Variants in NAV2 observed in about 807,000 individuals in gnomAD.
NAV2 encodes the protein helicase, APC down-regulated 1.
In NAV2, 54 loss-of-function variants were observed where a neutral mutation model predicts 223.2. The ratio of observed to expected loss-of-function variants is 0.24; its 90% CI spans 0.19 to 0.30. The LOEUF (loss-of-function observed/expected upper bound fraction) is 0.30, where lower values mean the gene tolerates loss of function less well. Among genes scored for constraint, NAV2 ranks in the 10% least tolerant of loss-of-function variants. The pLI is 1.00. For synonymous variants in NAV2, 1,279 were observed against 1,239.3 expected, an observed-to-expected ratio of 1.03 and a Z score of -0.67; for missense variants, 2,806 against 3,147.5, an observed-to-expected ratio of 0.89 and a Z score of 2.60.
intron 6 of NAV2, among the ~76,000 whole-genome samples, chr11:19,901,532 G>T (rs1284845557): frequency 6.6e-6 from 1 of 152,180 alleles, no homozygotes; most frequent in African/African-American, 2.4e-5. Flanking sequence ...AGGCAACAGA[G>T]CGAGAAAAGA....
intron 1 of NAV2, among the ~76,000 whole-genome samples, chr11:19,781,890 AAC>A (rs1482042583): frequency 6.6e-6 from 1 of 152,204 alleles, no homozygotes; most frequent in African/African-American, 2.4e-5. Flanking sequence ...CAAACTAATT[AAC>A]ACATCCATCA....
At chr11:20,067,210 A>G (rs1336949761) in intron 20 of NAV2, among the ~76,000 whole-genome samples, 2 of 152,080 alleles carry the variant, frequency 1.3e-5, no homozygotes, top group Non-Finnish European at 2.9e-5. Flanking sequence ...TTATCCTCAC[A>G]ACCTGTGGAG....
chr11:19,621,332 A>G (rs2046988162), intron 1 of NAV2, among the ~76,000 whole-genome samples: 1 of 152,222 alleles, frequency 6.6e-6, no homozygotes, highest in South Asian at 2.1e-4. Context: ...AAGGAATGGT[A>G]CCAGCTCCTC....
At chr11:19,760,876 T>C (rs2054682344) in intron 1 of NAV2, among the ~76,000 whole-genome samples, 1 of 152,186 alleles carries the variant, frequency 6.6e-6, no homozygotes, top group Admixed American at 6.5e-5. Context: ...CTTCCAGTCA[T>C]GGGCGTGAAT....
chr11:19,676,615 C>T (rs915303842), intron 1 of NAV2, among the ~76,000 whole-genome samples: 2 of 152,214 alleles, frequency 1.3e-5, no homozygotes, highest in Non-Finnish European at 2.9e-5. Context: ...TTTGTTATTC[C>T]GATACCCCAG....
At chr11:20,011,686 T>C (rs1193603268) in intron 11 of NAV2, among the ~76,000 whole-genome samples, 3 of 152,350 alleles carry the variant, frequency 2.0e-5, no homozygotes, top group Admixed American at 6.5e-5. Context: ...ATACAGCCTC[T>C]AAAAAATGAG....
intron 2 of NAV2, among the ~76,000 whole-genome samples, chr11:19,838,348 G>A (rs558961028): frequency 6.6e-6 from 1 of 151,922 alleles, no homozygotes; most frequent in Non-Finnish European, 1.5e-5. Context: ...TCACAGAAAG[G>A]TTCCTCAAGG....
chr11:19,818,057 A>G (rs890793997), intron 1 of NAV2, among the ~76,000 whole-genome samples: 1 of 149,920 alleles, frequency 6.7e-6, no homozygotes, highest in African/African-American at 2.5e-5. Context: ...CTCTCCCTGA[A>G]TTCCCTTTTT....
chr11:19,397,858 C>G (rs558912916), intron 1 of NAV2, among the ~76,000 whole-genome samples: 3 of 152,160 alleles, frequency 2.0e-5, no homozygotes, highest in South Asian at 4.2e-4. Context: ...GCCCATACAG[C>G]TCTGAGACTG....
intron 1 of NAV2, among the ~76,000 whole-genome samples, chr11:19,548,443 G>A (rs1049574172): frequency 2.0e-5 from 3 of 152,176 alleles, no homozygotes; most frequent in Non-Finnish European, 4.4e-5. Context: ...GCAGAAAGAT[G>A]TCAAGTCATT....
At chr11:19,382,994 T>A (rs1488423828) in intron 1 of NAV2, among the ~76,000 whole-genome samples, 1 of 152,206 alleles carries the variant, frequency 6.6e-6, no homozygotes, top group Non-Finnish European at 1.5e-5. Flanking sequence ...AGAGCTGGGA[T>A]TGGATACGGG....
chr11:19,490,532 TTC>T (rs2042590410), intron 1 of NAV2, among the ~76,000 whole-genome samples: 1 of 152,234 alleles, frequency 6.6e-6, no homozygotes, highest in South Asian at 2.1e-4. Flanking sequence ...AAGAAGCAAC[TTC>T]TCATTCATTT....
rs539385056 is a variant in NAV2 at position 19,868,459 on chromosome 11, CTGCCA to C, written c.439-464_439-460del. ...AGCCCTCCCCAGTCATTTGCAATGC[CTGCCA>C]TCCGGAGAATTTTGTGAGTAAATGC... is the stretch of plus-strand genomic sequence containing the variant. On this transcript the variant is annotated intron_variant, in intron 3 of 37. Transcript: ENST00000349880. Among the ~76,000 whole-genome samples, 111 of 152,274 alleles carry C rather than the reference CTGCCA, an allele frequency of 7.3e-4. 1 individual carries two copies. The highest frequency in any genetic ancestry group is 2.6e-3 in the African/African-American group (109 of 41,556).
intron 1 of NAV2, among the ~76,000 whole-genome samples, chr11:19,603,801 C>G (rs2046410766): frequency 6.6e-6 from 1 of 151,774 alleles, no homozygotes; most frequent in Non-Finnish European, 1.5e-5. Context: ...GAAAATCAAG[C>G]AAAGAAAGGG....
chr11:19,725,284 A>G (rs763152832), intron 1 of NAV2, among the ~76,000 whole-genome samples: 1 of 152,210 alleles, frequency 6.6e-6, no homozygotes, highest in South Asian at 2.1e-4. Flanking sequence ...GGCAGTGACT[A>G]CAGAGCTTGC....
At chr11:20,069,776 C>T (rs2059284416) in intron 22 of NAV2, among the ~76,000 whole-genome samples, 4 of 152,200 alleles carry the variant, frequency 2.6e-5, no homozygotes, top group Admixed American at 2.6e-4. Context: ...AGGCTGTCTT[C>T]CCTCAACTAG....
rs185654820 is a variant in NAV2, at chr11:19,421,146, A to G, written c.75+70119A>G. 3.4e-3 allele frequency among the ~76,000 whole-genome samples: 521 copies of G among 152,060 alleles called. 2 individuals carry two copies. Among genetic ancestry groups the G allele is most frequent in the African/African-American group, 0.012 (507 of 41,476 alleles). ...ATGGACCTGCCTTTCCCTTCTCTCC[A>G]TCTCTTCATGTTCACCTGCCCCAAG... is the stretch of plus-strand genomic sequence containing the variant. On this transcript the variant is annotated intron_variant, in intron 1 of 37. Transcript: ENST00000360655.
At chr11:19,737,109 CT>C (rs1451593325) in intron 1 of NAV2, among the ~76,000 whole-genome samples, 1 of 152,208 alleles carries the variant, frequency 6.6e-6, no homozygotes, top group Non-Finnish European at 1.5e-5. Context: ...CTTGGGACAT[CT>C]GGTTGACACC....
chr11:19,890,787 CA>C (rs1245256556), intron 5 of NAV2, among the ~76,000 whole-genome samples: 1 of 152,174 alleles, frequency 6.6e-6, no homozygotes, highest in Non-Finnish European at 1.5e-5. Context: ...CCTCCTTGGC[CA>C]GATGTGCTAG....
Sources: gnomAD v4.1 joint callset for allele counts (sites outside exome capture counted in the v4.1 genomes callset) on GRCh38, gnomAD v4.1.1 for gene constraint, MANE v1.5 for transcripts, NCBI Gene and HGNC (gene_info 2026-07-23, HGNC 2026-07-21) for gene names.